Variants in USP46 observed in about 807,000 individuals in gnomAD.
USP46 encodes ubiquitin carboxyl-terminal hydrolase 46.
A neutral mutation model predicts 44.4 loss-of-function variants in USP46; 12 were observed. That is an observed-to-expected ratio of 0.27 (90% CI 0.17 to 0.44). The LOEUF is 0.44. USP46 is among the 20% of genes least tolerant of loss of function. USP46 has a pLI of 1.00. For synonymous variants in USP46, 155 were observed against 161.5 expected, an observed-to-expected ratio of 0.96 and a Z score of 0.31; for missense variants, 248 against 444.8, an observed-to-expected ratio of 0.56 and a Z score of 3.98.
intron 4 of USP46, among the ~76,000 whole-genome samples, chr4:52,612,494 G>A (rs547385372): frequency 6.6e-6 from 1 of 152,348 alleles, no homozygotes; most frequent in South Asian, 2.1e-4. Context: ...GCCTTGGCCA[G>A]TGGGATGCTA....
At chr4:52,632,964 GAA>G (rs1364198378) in intron 1 of USP46, among the ~76,000 whole-genome samples, 9 of 74,674 alleles carry the variant, frequency 1.2e-4, no homozygotes, top group African/African-American at 6.0e-4. Flanking sequence ...AAGAAAGAAA[GAA>G]AGAAAGAAAG....
At chr4:52,600,694 C>A (rs528625827) in intron 7 of USP46, among the ~76,000 whole-genome samples, 10 of 152,142 alleles carry the variant, frequency 6.6e-5, no homozygotes, top group African/African-American at 1.9e-4. Flanking sequence ...CCACACCACC[C>A]CTGCCACCCA....
At chr4:52,636,344 T>C (rs1359174286) in intron 1 of USP46, among the ~76,000 whole-genome samples, 1 of 152,126 alleles carries the variant, frequency 6.6e-6, no homozygotes, top group Non-Finnish European at 1.5e-5. Context: ...CCACCTTGAT[T>C]TTAGCCCGGT....
chr4:52,638,597 C>T (rs1332551999), intron 1 of USP46, among the ~76,000 whole-genome samples: 1 of 148,884 alleles, frequency 6.7e-6, no homozygotes, highest in Non-Finnish European at 1.5e-5. Context: ...TAATTATTAA[C>T]ATCTGTCCAA....
rs1718990154 is a variant in USP46 at position 52,657,315 on chromosome 4, C to A, written c.36+1800G>T. ...TCCCTGACTGAGTTTCACTGAAACACGTTGTGACATTCAGCCCAGGTGTGC... is the reference window on the plus strand; with the variant it reads ...TCCCTGACTGAGTTTCACTGAAACAAGTTGTGACATTCAGCCCAGGTGTGC... On this transcript the variant is annotated intron_variant, in intron 1 of 8. Transcript: ENST00000441222. 2.7e-5 allele frequency among the ~76,000 whole-genome samples: 4 copies of A among 150,666 alleles called. 1 individual carries two copies. The South Asian group carries it at 8.6e-4, about 33-fold the overall frequency.
chr4:52,652,882 C>T (rs897390934), intron 1 of USP46, among the ~76,000 whole-genome samples: 2 of 152,058 alleles, frequency 1.3e-5, no homozygotes, highest in Middle Eastern at 3.2e-3. Context: ...TTCCACATTT[C>T]TGTATGTCTA....
At chr4:52,658,890 G>T (rs934817842) in intron 1 of USP46, among the ~76,000 whole-genome samples, 7 of 151,518 alleles carry the variant, frequency 4.6e-5, no homozygotes, top group Non-Finnish European at 8.8e-5. Context: ...ATCGCCGGGC[G>T]GGTTCCGAGG....
At chr4:52,600,692 C>T (rs1716433974) in intron 7 of USP46, among the ~76,000 whole-genome samples, 1 of 152,050 alleles carries the variant, frequency 6.6e-6, no homozygotes, top group African/African-American at 2.4e-5. Flanking sequence ...GTCCACACCA[C>T]CCCTGCCACC....
intron 2 of USP46, among the ~76,000 whole-genome samples, chr4:52,629,031 C>A (rs567702183): frequency 2.6e-5 from 4 of 152,056 alleles, no homozygotes; most frequent in Non-Finnish European, 4.4e-5. Context: ...ATTTGTTGTG[C>A]ACAATAAAAT....
chr4:52,611,323 C>T (rs1159461770), intron 4 of USP46, among the ~76,000 whole-genome samples: 1 of 152,228 alleles, frequency 6.6e-6, no homozygotes, highest in Non-Finnish European at 1.5e-5. Context: ...TTCAACAGCT[C>T]ACTCCACACT....
At chr4:52,598,509 A>G in intron 8 of USP46, 119 bp downstream of exon 8, 1 of 1,113,976 alleles carries the variant, frequency 9.0e-7, no homozygotes, top group Non-Finnish European at 1.3e-6. Flanking sequence ...TACAAATTTA[A>G]GTTGTTTTCA....
chr4:52,657,936 C>G (rs1267817051), intron 1 of USP46, among the ~76,000 whole-genome samples: 1 of 152,022 alleles, frequency 6.6e-6, no homozygotes, highest in East Asian at 1.9e-4. Flanking sequence ...GAATGTGGGA[C>G]AGAAGATTTA....
rs1033742497 is a variant in USP46, at chr4:52,595,704, A to T, written c.*1936T>A. 75 of 152,204 alleles carry T rather than the reference A, an allele frequency of 4.9e-4. No individual in the cohort carries two copies. The highest frequency in any genetic ancestry group is 1.7e-3 in the African/African-American group (70 of 41,462). 9.4% of individuals were successfully genotyped at this position (152,204 alleles called of 1,614,324 possible). A position where few individuals can be genotyped will look rare whatever the true frequency, so the allele number is the denominator to read the frequency against. ...TAGCTTCAAGAGGTGTTTCAAAGAT[A>T]ATTTTAATAACTTTTCTTATGAATC... On this transcript the variant is annotated 3_prime_UTR_variant, in exon 9 of 9. Transcript: ENST00000441222.
intron 4 of USP46, among the ~76,000 whole-genome samples, chr4:52,616,431 G>A (rs1224260473): frequency 2.0e-5 from 3 of 152,050 alleles, no homozygotes; most frequent in Non-Finnish European, 2.9e-5. Context: ...GGAGTGCAGT[G>A]GTGCAATCTC....
chr4:52,627,396 T>C (rs1717636298), intron 3 of USP46, among the ~76,000 whole-genome samples: 1 of 152,180 alleles, frequency 6.6e-6, no homozygotes, highest in African/African-American at 2.4e-5. Flanking sequence ...ACACCTAGTT[T>C]CTACTACCAA....
chr4:52,618,758 G>C (rs1280077972), intron 4 of USP46, among the ~76,000 whole-genome samples: 1 of 152,038 alleles, frequency 6.6e-6, no homozygotes, highest in Admixed American at 6.6e-5. Flanking sequence ...TGAATCTCTG[G>C]AACTCAGAAT....
At chr4:52,634,153 C>G (rs1168751749) in intron 1 of USP46, among the ~76,000 whole-genome samples, 1 of 149,212 alleles carries the variant, frequency 6.7e-6, no homozygotes, top group Admixed American at 6.7e-5. Flanking sequence ...CTCGCTGTGT[C>G]CCCAGGCTGA....
Position 52,607,710 on chromosome 4 carries a change from G to A in USP46, c.638+2831C>T, listed in dbSNP as rs772878920. On this transcript the variant is annotated intron_variant, in intron 5 of 8. Transcript: ENST00000441222. ...CCTGGTGCTGTCCTCACCATACATC[G>A]TGGAGAGTTCTTGCAAGATCTGGCC... Among the ~76,000 whole-genome samples the A allele has an allele frequency of 2.6e-4, 40 of 152,230 alleles. 1 individual carries two copies. The Middle Eastern group carries it at 0.01, about 39-fold the overall frequency.
intron 3 of USP46, among the ~76,000 whole-genome samples, chr4:52,627,494 C>T (rs1717640277): frequency 6.6e-6 from 1 of 152,098 alleles, no homozygotes; most frequent in Non-Finnish European, 1.5e-5. Flanking sequence ...CTTCAATTAC[C>T]TCAGGCAAAT....
Sources: allele counts gnomAD v4.1 joint callset (sites outside exome capture counted in the v4.1 genomes callset), GRCh38; gene constraint gnomAD v4.1.1; transcripts MANE v1.5; gene names NCBI Gene and HGNC (gene_info 2026-07-23, HGNC 2026-07-21).